Variants in CTIF observed in about 807,000 individuals in gnomAD.
CTIF encodes cap binding complex dependent translation initiation factor.
In CTIF, 21 loss-of-function variants were observed where a neutral mutation model predicts 66.0. The ratio of observed to expected loss-of-function variants is 0.32; its 90% CI spans 0.23 to 0.46. CTIF has a LOEUF of 0.46. CTIF is among the 20% of genes least tolerant of loss of function. The pLI is 1.00. For missense variants in CTIF, 739 were observed against 812.7 expected (o/e 0.91, Z 1.10); for synonymous variants, 345 against 326.4 (o/e 1.06, Z -0.62).
At chr18:48,730,008 G>A (rs1181277022) in intron 7 of CTIF, among the ~76,000 whole-genome samples, 2 of 152,218 alleles carry the variant, frequency 1.3e-5, no homozygotes, top group Non-Finnish European at 2.9e-5. Flanking sequence ...GGAGTCTCAG[G>A]TGAAGTAATA....
At chr18:48,775,998 C>T (rs1160592154) in intron 9 of CTIF, among the ~76,000 whole-genome samples, 1 of 152,242 alleles carries the variant, frequency 6.6e-6, no homozygotes, top group Non-Finnish European at 1.5e-5. Flanking sequence ...ATATTTTCAT[C>T]CAAAACTAAA....
chr18:48,860,007 C>A lies in CTIF; in HGVS notation c.*448C>A, dbSNP rs774812895. On this transcript the variant is annotated 3_prime_UTR_variant, in exon 12 of 12. Coordinates refer to ENST00000256413, the MANE Select transcript of CTIF (RefSeq NM_014772.3). Reference sequence around the variant, plus strand: ...GTCGGAGACGGGCTCGCATTGTTCCCGCATGCTGTCAGCCGCAGTCGCCAA... The same window carrying A: ...GTCGGAGACGGGCTCGCATTGTTCCAGCATGCTGTCAGCCGCAGTCGCCAA... The A allele has an allele frequency of 4.4e-6, 2 of 451,362 alleles. No individual in the cohort carries two copies. Among genetic ancestry groups the A allele is most frequent in the South Asian group, 3.1e-5 (2 of 64,280 alleles). 28.0% of individuals were successfully genotyped at this position (451,362 alleles called of 1,614,324 possible). A position where few individuals can be genotyped will look rare whatever the true frequency, so the allele number is the denominator to read the frequency against.
In CTIF at chr18:48,859,439, G is replaced by A. The variant is rs1486788155; in HGVS notation, c.1677G>A (p.Glu559=). The A allele has an allele frequency of 1.2e-6, 2 of 1,614,174 alleles. No individual in the cohort carries two copies. The highest frequency in any genetic ancestry group is 1.7e-5 in the Admixed American group (1 of 60,032). Residue 559 remains glutamate, a synonymous_variant, in exon 12 of 12, where the codon GAG becomes GAA. Transcript: ENST00000256413. ...SARDKMLCPS[E]SMLTRSLLLE... ...GGGACAAGATGCTGTGCCCCTCGGAGTCCATGCTGACCCGGTCGCTGCTCC... is the reference window on the plus strand; with the variant it reads ...GGGACAAGATGCTGTGCCCCTCGGAATCCATGCTGACCCGGTCGCTGCTCC...
intron 9 of CTIF, among the ~76,000 whole-genome samples, chr18:48,800,109 A>G (rs1231068719): frequency 1.3e-5 from 2 of 152,218 alleles, no homozygotes; most frequent in African/African-American, 2.4e-5. Flanking sequence ...AGCTCTGGTT[A>G]GAGAAGCACC....
intron 1 of CTIF, among the ~76,000 whole-genome samples, chr18:48,573,448 G>T (rs1187389429): frequency 2.6e-5 from 4 of 152,264 alleles, no homozygotes; most frequent in South Asian, 4.1e-4. Flanking sequence ...TTGGCTCATT[G>T]TCTGTTTATT....
chr18:48,567,271 A>G (rs2089299695), intron 1 of CTIF: 1 of 152,246 alleles, frequency 6.6e-6, no homozygotes, highest in Non-Finnish European at 1.5e-5. Context: ...AAACAGAAGC[A>G]GTGTCACTGG....
intron 9 of CTIF, among the ~76,000 whole-genome samples, chr18:48,793,187 G>A (rs1322883067): frequency 6.6e-6 from 1 of 152,190 alleles, no homozygotes; most frequent in African/African-American, 2.4e-5. Flanking sequence ...TTGCAGGCTA[G>A]CACAAGGGAG....
intron 3 of CTIF, among the ~76,000 whole-genome samples, chr18:48,658,360 C>T (rs1454414708): frequency 6.6e-6 from 1 of 151,722 alleles, no homozygotes; most frequent in East Asian, 1.9e-4. Context: ...GTGATGTGCA[C>T]ATATAGTTGT....
chr18:48,722,363 G>A (rs767846900), intron 7 of CTIF, among the ~76,000 whole-genome samples: 9 of 151,944 alleles, frequency 5.9e-5, no homozygotes, highest in African/African-American at 1.2e-4. Context: ...CCACAGGCAC[G>A]TGCCACCACA....
chr18:48,788,844 G>A (rs1438424991), intron 9 of CTIF, among the ~76,000 whole-genome samples: 1 of 152,212 alleles, frequency 6.6e-6, no homozygotes, highest in Non-Finnish European at 1.5e-5. Context: ...GCCCAGAGGT[G>A]TAGGTAGGCC....
intron 7 of CTIF, among the ~76,000 whole-genome samples, chr18:48,750,646 T>C (rs1907712054): frequency 6.6e-6 from 1 of 152,202 alleles, no homozygotes. Context: ...CGAGACGCAG[T>C]GGAGCCAAGG....
chr18:48,715,182 C>T (rs189522106), intron 7 of CTIF, among the ~76,000 whole-genome samples: 2,448 of 152,186 alleles, frequency 0.016, 27 homozygotes, highest in Middle Eastern at 0.085. Context: ...TCAGAGTGGT[C>T]ACCTGCAGAC....
chr18:48,594,516 G>A (rs1385651953), intron 1 of CTIF, among the ~76,000 whole-genome samples: 3 of 152,100 alleles, frequency 2.0e-5, no homozygotes, highest in Admixed American at 2.0e-4. Flanking sequence ...GTGGGGCCTG[G>A]CATTTAGGGC....
intron 7 of CTIF, among the ~76,000 whole-genome samples, chr18:48,753,566 G>A (rs1328832780): frequency 6.6e-6 from 1 of 151,074 alleles, no homozygotes; most frequent in East Asian, 1.9e-4. Context: ...CTAAATGAAC[G>A]ATGGAAAAAG....
chr18:48,732,541 G>A (rs781772009), intron 7 of CTIF, among the ~76,000 whole-genome samples: 9 of 152,306 alleles, frequency 5.9e-5, no homozygotes, highest in East Asian at 1.9e-4. Flanking sequence ...CTGCAAAGCC[G>A]TCCCCTTCTA....
At chr18:48,627,159 A>G (rs1335026110) in intron 2 of CTIF, among the ~76,000 whole-genome samples, 3 of 152,190 alleles carry the variant, frequency 2.0e-5, no homozygotes, top group East Asian at 1.9e-4. Flanking sequence ...TCTCCTAGAC[A>G]TTGTTTGGTG....
In CTIF at chr18:48,695,573, G is replaced by T. The variant is rs139956086; in HGVS notation, c.508-16046G>T. ...TTACTTGCTGCATTTCTTTAGACATGCTGTTTAGTCTATCCAGCCCTCCTT... is the reference window on the plus strand; with the variant it reads ...TTACTTGCTGCATTTCTTTAGACATTCTGTTTAGTCTATCCAGCCCTCCTT... On this transcript the variant is annotated intron_variant, in intron 6 of 11. Coordinates refer to ENST00000256413, the MANE Select transcript of CTIF (RefSeq NM_014772.3). Among the ~76,000 whole-genome samples the T allele has an allele frequency of 1.8e-3, 277 of 152,320 alleles. 2 individuals carry two copies. The highest frequency in any genetic ancestry group is 6.2e-3 in the African/African-American group (257 of 41,572).
At chr18:48,612,004 C>T (rs576287926) in intron 1 of CTIF, among the ~76,000 whole-genome samples, 11 of 152,284 alleles carry the variant, frequency 7.2e-5, no homozygotes, top group African/African-American at 2.6e-4. Flanking sequence ...ACTCCTGTGA[C>T]AGAAAATGTT....
chr18:48,683,683 C>T (rs913742238), intron 6 of CTIF, among the ~76,000 whole-genome samples: 2 of 152,166 alleles, frequency 1.3e-5, no homozygotes, highest in Non-Finnish European at 2.9e-5. Context: ...GCTCTCTCTC[C>T]AGAGTGAAAA....
Sources: allele counts gnomAD v4.1 joint callset (sites outside exome capture counted in the v4.1 genomes callset), GRCh38; gene constraint gnomAD v4.1.1; transcripts MANE v1.5; gene names NCBI Gene and HGNC (gene_info 2026-07-23, HGNC 2026-07-21).